The following UGCG variants were observed in gnomAD, a reference collection of about 807,000 sequenced individuals.
UGCG encodes the protein ceramide glucosyltransferase.
In UGCG, 10 loss-of-function variants were observed where a neutral mutation model predicts 49.5. That is an observed-to-expected ratio of 0.20 (90% CI 0.12 to 0.34). The LOEUF (loss-of-function observed/expected upper bound fraction) is 0.34, where lower values mean the gene tolerates loss of function less well. Among genes scored for constraint, UGCG ranks in the 10% least tolerant of loss-of-function variants. The pLI is 1.00. For missense variants in UGCG, 312 were observed against 483.7 expected, an observed-to-expected ratio of 0.65 and a Z score of 3.33; for synonymous variants, 182 against 158.2, an observed-to-expected ratio of 1.15 and a Z score of -1.13.
intron 5 of UGCG, among the ~76,000 whole-genome samples, chr9:111,929,043 C>T (rs1374338603): frequency 6.7e-6 from 1 of 149,532 alleles, no homozygotes; most frequent in Admixed American, 6.7e-5. Flanking sequence ...ATTGTGTCCC[C>T]TCCCCACCCC....
chr9:111,931,050 A>G (rs1290261653), intron 6 of UGCG, among the ~76,000 whole-genome samples: 2 of 152,192 alleles, frequency 1.3e-5, no homozygotes, highest in African/African-American at 4.8e-5. Flanking sequence ...TAAGGTGGGT[A>G]CAGTTTCTTC....
chr9:111,901,250 T>G (rs1837767004), intron 1 of UGCG, among the ~76,000 whole-genome samples: 1 of 152,206 alleles, frequency 6.6e-6, no homozygotes, highest in Non-Finnish European at 1.5e-5. Flanking sequence ...TCATGTAAAT[T>G]TTAGCATTTG....
intron 5 of UGCG, 112 bp from the exon 6 acceptor site, chr9:111,929,388 T>G: frequency 9.0e-7 from 1 of 1,108,542 alleles, no homozygotes; most frequent in Non-Finnish European, 1.2e-6. Context: ...GTAAGAATAA[T>G]AAGATATTCA....
chr9:111,930,568 A>G (rs867518785), intron 6 of UGCG, among the ~76,000 whole-genome samples: 2 of 151,934 alleles, frequency 1.3e-5, no homozygotes, highest in African/African-American at 4.8e-5. Flanking sequence ...CCTGGGTTCA[A>G]ACGATTCTCC....
chr9:111,897,154 C>T lies in UGCG; in HGVS notation c.-62C>T, dbSNP rs893105230. ...ACCGGGCGCCCACCCTGTCCTCCTC[C>T]TGCGGGAGCGTTGTCCGTGTTGGCG... On this transcript the variant is annotated 5_prime_UTR_variant, in exon 1 of 9. Coordinates refer to ENST00000374279, the MANE Select transcript of UGCG (RefSeq NM_003358.3). The T allele has an allele frequency of 1.1e-4, 166 of 1,478,876 alleles. No homozygotes were observed. Among genetic ancestry groups the T allele is most frequent in the South Asian group, 1.0e-3 (85 of 81,678 alleles). The allele number at this position is 1,478,876 out of a possible 1,614,324, so 91.6% of individuals were successfully genotyped here. A position where few individuals can be genotyped will look rare whatever the true frequency, so the allele number is the denominator to read the frequency against.
chr9:111,916,030 A>G (rs1394422464), intron 2 of UGCG, among the ~76,000 whole-genome samples: 2 of 152,074 alleles, frequency 1.3e-5, no homozygotes, highest in South Asian at 2.1e-4. Context: ...GTTAACTTCA[A>G]TCAAATATAT....
intron 2 of UGCG, among the ~76,000 whole-genome samples, chr9:111,922,062 C>T (rs1459489022): frequency 6.6e-6 from 1 of 151,920 alleles, no homozygotes; most frequent in Admixed American, 6.6e-5. Context: ...GTCTTCCCAC[C>T]TTGACCTCCC....
chr9:111,932,414 T>C (rs2118608220), intron 8 of UGCG, 55 bp downstream of exon 8: 1 of 1,505,630 alleles, frequency 6.6e-7, no homozygotes, highest in Non-Finnish European at 9.0e-7. Flanking sequence ...TAGAACTATT[T>C]CAATTTAGAA....
chr9:111,904,687 A>G (rs765576766), intron 1 of UGCG, among the ~76,000 whole-genome samples: 2 of 151,878 alleles, frequency 1.3e-5, no homozygotes, highest in African/African-American at 4.8e-5. Context: ...ATGGGGAAAC[A>G]CCATCTCTAC....
Position 111,922,948 on chromosome 9 carries a change from A to G in UGCG, c.340A>G (p.Ile114Val). The G allele has an allele frequency of 6.2e-7, 1 of 1,601,936 alleles. No homozygotes were observed. The highest frequency in any genetic ancestry group is 8.5e-7 in the Non-Finnish European group (1 of 1,170,974). Residue 114 changes from isoleucine to valine, a missense_variant, in exon 3 of 9, where the codon ATA becomes GTA. Coordinates refer to ENST00000374279, the MANE Select transcript of UGCG (RefSeq NM_003358.3). ...TCCAAATGTTGATGCTAGATTGTTT[A>G]TAGGTAAGTAACAAATTCTGTAGTA... ...KYPNVDARLF[I>V]GGKKVGINPK...
Position 111,914,761 on chromosome 9 carries a change from A to G in UGCG, c.240+15A>G. 6.3e-7 allele frequency: 1 copy of G among 1,587,666 alleles called. No individual in the cohort carries two copies. The highest frequency in any genetic ancestry group is 2.3e-5 in the East Asian group (1 of 43,760). On this transcript the variant is annotated intron_variant, in intron 2 of 8. Coordinates refer to ENST00000374279, the MANE Select transcript of UGCG (RefSeq NM_003358.3). ...ATTATCCCAAAGTAAGTTCAGTGTTACGGTTTTTTGTTTTGTTTTGTTTTG... is the reference window on the plus strand; with the variant it reads ...ATTATCCCAAAGTAAGTTCAGTGTTGCGGTTTTTTGTTTTGTTTTGTTTTG...
At chr9:111,898,376 G>A (rs1244520859) in intron 1 of UGCG, among the ~76,000 whole-genome samples, 1 of 151,384 alleles carries the variant, frequency 6.6e-6, no homozygotes, top group Non-Finnish European at 1.5e-5. Context: ...TAAGAAATTA[G>A]TTACTTTTAG....
chr9:111,914,796 C>T lies in UGCG; in HGVS notation c.240+50C>T. On this transcript the variant is annotated intron_variant, in intron 2 of 8. Coordinates refer to ENST00000374279, the MANE Select transcript of UGCG (RefSeq NM_003358.3). The stretch of plus-strand genomic sequence containing the variant: ...GTTTTGTTTTGTTTTGTTTTGTTCC[C>T]CTCATGATAAACATTTAGGGATTTT... The T allele has an allele frequency of 2.5e-6, 4 of 1,599,540 alleles. No homozygotes were observed. In the South Asian group the frequency reaches 3.4e-5, roughly 13 times the overall value.
Position 111,924,824 on chromosome 9 carries a change from G to T in UGCG, c.391G>T (p.Gly131Ter). The T allele has an allele frequency of 6.5e-7, 1 of 1,542,984 alleles. No individual in the cohort carries two copies. Among genetic ancestry groups the T allele is most frequent in the South Asian group, 1.4e-5 (1 of 73,982 alleles). Residue 131 changes from glycine to a stop codon, truncating the protein, a stop_gained, in exon 4 of 9, where the codon GGA (glycine) becomes TGA (stop). Transcript: ENST00000374279. LOFTEE classifies it high-confidence loss of function. ...INPKINNLMP[G>*]YEVAKYDLIW... ...TCCTAAAATTAATAATTTAATGCCAGGATATGAAGTTGCAAAGTATGATCT... is the reference window on the plus strand; with the variant it reads ...TCCTAAAATTAATAATTTAATGCCATGATATGAAGTTGCAAAGTATGATCT...
At chr9:111,917,449 C>A (rs78807957) in intron 2 of UGCG, among the ~76,000 whole-genome samples, 2 of 152,192 alleles carry the variant, frequency 1.3e-5, no homozygotes, top group Non-Finnish European at 2.9e-5. Flanking sequence ...TAAACATTTA[C>A]GTGACTGCCA....
chr9:111,929,598 G>T lies in UGCG; in HGVS notation c.657G>T (p.Val219=). The change falls in exon 6 of 9, where the codon GTG becomes GTT. Residue 219 remains valine, a synonymous_variant. Transcript: ENST00000374279. Reference sequence around the variant, plus strand: ...TGTCTTGTTTAATGAGAAAAGATGTGTTGGATCAAGCAGGAGGACTTATAG... The same window carrying T: ...TGTCTTGTTTAATGAGAAAAGATGTTTTGGATCAAGCAGGAGGACTTATAG... The part of the protein sequence containing the change: ...TGMSCLMRKD[V]LDQAGGLIAF... 1 of 1,614,046 alleles carries T rather than the reference G, an allele frequency of 6.2e-7. No individual in the cohort carries two copies.
intron 2 of UGCG, among the ~76,000 whole-genome samples, chr9:111,917,142 A>G (rs1210836820): frequency 2.0e-5 from 3 of 152,324 alleles, no homozygotes; most frequent in East Asian, 3.9e-4. Context: ...CATTCATTGT[A>G]AGATGAAGAA....
intron 1 of UGCG, among the ~76,000 whole-genome samples, chr9:111,914,362 A>G (rs568641956): frequency 2.6e-5 from 4 of 152,316 alleles, no homozygotes; most frequent in African/African-American, 9.6e-5. Context: ...ATAGCTGATG[A>G]GCTTTAAAAA....
intron 6 of UGCG, 85 bp from the exon 7 acceptor site, chr9:111,931,186 T>G (rs1391410924): frequency 7.3e-7 from 1 of 1,361,676 alleles, no homozygotes; most frequent in African/African-American, 1.4e-5. Flanking sequence ...TTGCCTGGTC[T>G]TTATAATGAT....
Sources: gnomAD v4.1 joint callset for allele counts (sites outside exome capture counted in the v4.1 genomes callset) on GRCh38, gnomAD v4.1.1 for gene constraint, MANE v1.5 for transcripts, NCBI Gene and HGNC (gene_info 2026-07-23, HGNC 2026-07-21) for gene names.